FARP2: variants seen among roughly 807,000 people sequenced by gnomAD.
The protein encoded by FARP2 is FERM, ARHGEF and pleckstrin domain-containing protein 2.
Under a neutral mutation model 130.5 loss-of-function variants are expected in FARP2, and 111 were observed. That is an observed-to-expected ratio of 0.85 (90% CI 0.73 to 1.00). The LOEUF (loss-of-function observed/expected upper bound fraction) is 1.00, where lower values mean the gene tolerates loss of function less well. FARP2 is among the 50% of genes least tolerant of loss of function. FARP2 has a pLI of 0.00. For missense variants in FARP2, 1,385 were observed against 1,346.3 expected, an observed-to-expected ratio of 1.03 and a Z score of -0.45; for synonymous variants, 504 against 516.9, an observed-to-expected ratio of 0.98 and a Z score of 0.34.
At chr2:241,458,739 T>G (rs1164132053) in intron 14 of FARP2, among the ~76,000 whole-genome samples, 1 of 152,260 alleles carries the variant, frequency 6.6e-6, no homozygotes, top group Non-Finnish European at 1.5e-5. Flanking sequence ...AATTTGTAAC[T>G]TTTTATATTA....
intron 13 of FARP2, chr2:241,442,979 A>G (rs548816653): frequency 1.0e-5 from 2 of 197,904 alleles, no homozygotes; most frequent in Non-Finnish European, 2.1e-5. Context: ...TCACTTGTCC[A>G]GCCACTGCGC....
At chr2:241,492,685 T>C (rs2124922609) in intron 24 of FARP2, 2 of 458,004 alleles carry the variant, frequency 4.4e-6, no homozygotes, top group East Asian at 7.1e-5. Context: ...TACTGAACAC[T>C]GACTTTATTG....
At chr2:241,477,408 A>AT (rs1438981402) in intron 19 of FARP2, among the ~76,000 whole-genome samples, 1 of 152,066 alleles carries the variant, frequency 6.6e-6, no homozygotes, top group Non-Finnish European at 1.5e-5. Context: ...GATTACACGC[A>AT]TGAGCCACCG....
At chr2:241,493,214 G>A (rs563358661) in intron 25 of FARP2, 79 bp from the exon 26 acceptor site, 6 of 1,488,406 alleles carry the variant, frequency 4.0e-6, no homozygotes, top group Admixed American at 1.7e-5. Flanking sequence ...ACGTGCCACC[G>A]TTGTGCAGGT....
chr2:241,377,874 A>T (rs1433480052), intron 2 of FARP2, among the ~76,000 whole-genome samples: 1 of 152,142 alleles, frequency 6.6e-6, no homozygotes, highest in African/African-American at 2.4e-5. Context: ...AATACCTAGG[A>T]GTAGAATTGC....
intron 19 of FARP2, 98 bp from the exon 20 acceptor site, chr2:241,483,367 A>T: frequency 2.0e-6 from 2 of 995,796 alleles, no homozygotes; most frequent in South Asian, 2.6e-5. Flanking sequence ...CCAGAGGAGC[A>T]CAAGCGGCCA....
Position 241,456,954 on chromosome 2 carries a change from G to A in FARP2, c.1587+32G>A, listed in dbSNP as rs752408792. 7.2e-6 allele frequency: 11 copies of A among 1,536,278 alleles called. No individual in the cohort carries two copies. The South Asian group carries it at 1.3e-4, about 18-fold the overall frequency. On this transcript the variant is annotated intron_variant, in intron 14 of 26. Coordinates refer to ENST00000264042, the MANE Select transcript of FARP2 (RefSeq NM_014808.4). ...CCCTCGAGGCTGAGAAGCTAGCAGAGGGTTGCAGGGTGGGCCTGTTTTCAC... is the reference window on the plus strand; with the variant it reads ...CCCTCGAGGCTGAGAAGCTAGCAGAAGGTTGCAGGGTGGGCCTGTTTTCAC...
At chr2:241,450,297 A>G (rs1407265056) in intron 13 of FARP2, among the ~76,000 whole-genome samples, 1 of 152,084 alleles carries the variant, frequency 6.6e-6, no homozygotes, top group Non-Finnish European at 1.5e-5. Context: ...GGTCAAGGCA[A>G]AGCTGCAGTG....
intron 19 of FARP2, chr2:241,478,588 G>A (rs1339205011): frequency 2.0e-6 from 1 of 501,542 alleles, no homozygotes; most frequent in African/African-American, 2.0e-5. Flanking sequence ...CCTATTTTGG[G>A]CCTGTGTTGA....
chr2:241,418,906 C>T (rs549460167), intron 8 of FARP2, among the ~76,000 whole-genome samples: 2 of 152,286 alleles, frequency 1.3e-5, no homozygotes, highest in South Asian at 4.1e-4. Flanking sequence ...TGGGAGCACT[C>T]CAGTCACTGG....
intron 1 of FARP2, 54 bp from the exon 2 acceptor site, chr2:241,373,029 AG>A (rs1415040760): frequency 1.0e-6 from 1 of 983,750 alleles, no homozygotes; most frequent in Non-Finnish European, 1.4e-6. Context: ...ACCTTGTTTT[AG>A]TACCTAAATA....
chr2:241,453,769 G>GTT lies in FARP2; in HGVS notation c.1412-2947_1412-2946dup, dbSNP rs1180224982. 4.9e-3 allele frequency among the ~76,000 whole-genome samples: 266 copies of GTT among 53,988 alleles called. 20 individuals are homozygous for GTT. Among genetic ancestry groups the GTT allele is most frequent in the African/African-American group, 0.016 (213 of 13,678 alleles). 35.4% of individuals were successfully genotyped at this position (53,988 alleles called of 152,430 possible). ...TGTTTACTGGGAGTGGCACTTACTG[G>GTT]TTTTTTTTTTTTTTTTTTTTTTTTT... On this transcript the variant is annotated intron_variant, in intron 13 of 26. Transcript: ENST00000264042.
chr2:241,397,818 T>C (rs1411847836), intron 2 of FARP2, among the ~76,000 whole-genome samples: 2 of 148,900 alleles, frequency 1.3e-5, no homozygotes, highest in East Asian at 3.9e-4. Context: ...AAAGGTTTTT[T>C]AAACCTTTTT....
intron 26 of FARP2, 112 bp from the exon 27 acceptor site, chr2:241,493,896 C>G: frequency 3.1e-6 from 2 of 653,758 alleles, no homozygotes; most frequent in Non-Finnish European, 4.9e-6. Context: ...CGCACCCGGC[C>G]CCAGGTTTTT....
intron 2 of FARP2, among the ~76,000 whole-genome samples, chr2:241,386,302 C>T (rs2061782410): frequency 6.6e-6 from 1 of 152,136 alleles, no homozygotes. Flanking sequence ...CTCAGGCTAG[C>T]TTGAGCCTGA....
At chr2:241,473,014 T>A (rs955372287) in intron 18 of FARP2, among the ~76,000 whole-genome samples, 2 of 147,724 alleles carry the variant, frequency 1.4e-5, no homozygotes, top group African/African-American at 5.0e-5. Flanking sequence ...TGCTGCTCTA[T>A]GTGGCCTCTG....
intron 2 of FARP2, among the ~76,000 whole-genome samples, chr2:241,376,787 G>A (rs114441129): frequency 2.0e-3 from 299 of 152,288 alleles, no homozygotes; most frequent in African/African-American, 6.4e-3. Context: ...ACAGGGTGTC[G>A]GGTGCACTGA....
chr2:241,405,802 C>T (rs192107338), intron 4 of FARP2, among the ~76,000 whole-genome samples: 23 of 152,046 alleles, frequency 1.5e-4, no homozygotes, highest in African/African-American at 4.6e-4. Context: ...GGCGTGATGG[C>T]GCATGCCTAT....
chr2:241,476,470 C>T (rs920099985), intron 19 of FARP2, among the ~76,000 whole-genome samples: 4 of 152,072 alleles, frequency 2.6e-5, no homozygotes, highest in Non-Finnish European at 5.9e-5. Context: ...GACAGATCAC[C>T]TGAGGTTGGG....
Sources: gnomAD v4.1 joint callset for allele counts (sites outside exome capture counted in the v4.1 genomes callset) on GRCh38, gnomAD v4.1.1 for gene constraint, MANE v1.5 for transcripts, NCBI Gene and HGNC (gene_info 2026-07-23, HGNC 2026-07-21) for gene names.